The following FNDC3B variants were observed in gnomAD, a reference collection of about 807,000 sequenced individuals.
FNDC3B encodes fibronectin type III domain-containing protein 3B.
In FNDC3B, 12 loss-of-function variants were observed where a neutral mutation model predicts 151.5. That is an observed-to-expected ratio of 0.08 (90% confidence interval 0.05 to 0.13). The LOEUF (loss-of-function observed/expected upper bound fraction) is 0.13. FNDC3B is among the 10% of genes least tolerant of loss of function. The pLI is 1.00. For synonymous variants in FNDC3B, 528 were observed against 549.0 expected, an observed-to-expected ratio of 0.96 and a Z score of 0.54; for missense variants, 1,214 against 1,505.3, an observed-to-expected ratio of 0.81 and a Z score of 3.20.
intron 3 of FNDC3B, chr3:172,225,680 G>C (rs1726529762): frequency 5.9e-6 from 1 of 170,114 alleles, no homozygotes; most frequent in African/African-American, 2.4e-5. Context: ...ACAAGATGAA[G>C]AGCGGACTCC....
intron 9 of FNDC3B, among the ~76,000 whole-genome samples, chr3:172,299,966 T>A (rs1256635973): frequency 6.6e-6 from 1 of 152,234 alleles, no homozygotes; most frequent in Non-Finnish European, 1.5e-5. Flanking sequence ...TAAAAATAAG[T>A]TTAAAGTAAT....
intron 13 of FNDC3B, 144 bp downstream of exon 13, chr3:172,330,859 C>G: frequency 1.6e-6 from 1 of 618,298 alleles, no homozygotes; most frequent in Non-Finnish European, 2.8e-6. Flanking sequence ...CTACCAACAC[C>G]GGCCTGTTCT....
intron 3 of FNDC3B, among the ~76,000 whole-genome samples, chr3:172,143,519 T>G (rs1721734817): frequency 6.6e-6 from 1 of 152,234 alleles, no homozygotes. Context: ...GTTAATTTTA[T>G]TAATATTTTA....
At chr3:172,052,603 C>CAA (rs1441771517) in intron 1 of FNDC3B, among the ~76,000 whole-genome samples, 2 of 152,120 alleles carry the variant, frequency 1.3e-5, no homozygotes, top group African/African-American at 4.8e-5. Flanking sequence ...GAGTTAAAGA[C>CAA]TGTTAAGAGA....
At chr3:172,166,707 A>T (rs1723020517) in intron 3 of FNDC3B, among the ~76,000 whole-genome samples, 1 of 151,410 alleles carries the variant, frequency 6.6e-6, no homozygotes, top group Non-Finnish European at 1.5e-5. Context: ...GTGCCCTATG[A>T]TTGTGTCTGT....
At chr3:172,214,870 G>C (rs948558283) in intron 3 of FNDC3B, among the ~76,000 whole-genome samples, 2 of 152,260 alleles carry the variant, frequency 1.3e-5, no homozygotes, top group African/African-American at 4.8e-5. Context: ...CAATGGAAGA[G>C]CCAACCCTGA....
Position 172,373,583 on chromosome 3 carries a change from G to A in FNDC3B, c.3009-4687G>A, listed in dbSNP as rs376499501. On this transcript the variant is annotated intron_variant, in intron 23 of 25. Transcript: ENST00000415807. ...TTAGTTCCATCACAAAAGGCCTCTG[G>A]CTTACTTATTAATGAATTCTGAAAT... 2.6e-5 allele frequency among the ~76,000 whole-genome samples: 4 copies of A among 152,140 alleles called. No homozygotes were observed. In the East Asian group the frequency reaches 7.7e-4, roughly 29 times the overall value.
At chr3:172,205,145 C>T (rs752098281) in intron 3 of FNDC3B, among the ~76,000 whole-genome samples, 5 of 152,168 alleles carry the variant, frequency 3.3e-5, no homozygotes, top group Non-Finnish European at 5.9e-5. Context: ...ATATATAACC[C>T]ATAAAAGTTT....
rs114146892 is a variant in FNDC3B, at chr3:172,190,589, C to T, written c.188-36282C>T. ...AATGGTTCAGTTTATTTTATTGTGACGCCTTCTAGGGAGGGGTTTATGATT... is the reference window on the plus strand; with the variant it reads ...AATGGTTCAGTTTATTTTATTGTGATGCCTTCTAGGGAGGGGTTTATGATT... On this transcript the variant is annotated intron_variant, in intron 3 of 25. Coordinates refer to ENST00000415807, the MANE Select transcript of FNDC3B (RefSeq NM_022763.4). Among the ~76,000 whole-genome samples the T allele has an allele frequency of 4.8e-3, 738 of 152,286 alleles. 3 individuals carry two copies. Among genetic ancestry groups the T allele is most frequent in the African/African-American group, 0.013 (540 of 41,554 alleles).
intron 1 of FNDC3B, among the ~76,000 whole-genome samples, chr3:172,061,370 T>A (rs1300704760): frequency 6.6e-6 from 1 of 151,986 alleles, no homozygotes; most frequent in Non-Finnish European, 1.5e-5. Flanking sequence ...GTAGCTGGGA[T>A]TACAGGTGCC....
intron 3 of FNDC3B, among the ~76,000 whole-genome samples, chr3:172,158,249 GT>G (rs1559993567): frequency 6.6e-6 from 1 of 152,102 alleles, no homozygotes. Flanking sequence ...TGAATGTTTC[GT>G]TTTATAAGAA....
At chr3:172,382,558 A>G (rs947453415) in intron 25 of FNDC3B, among the ~76,000 whole-genome samples, 1 of 152,146 alleles carries the variant, frequency 6.6e-6, no homozygotes, top group Non-Finnish European at 1.5e-5. Flanking sequence ...TATGTTCCGA[A>G]TGGTATTGCC....
At chr3:172,159,586 A>G (rs1315850016) in intron 3 of FNDC3B, among the ~76,000 whole-genome samples, 1 of 152,222 alleles carries the variant, frequency 6.6e-6, no homozygotes, top group Non-Finnish European at 1.5e-5. Context: ...TAGGAAAACC[A>G]CAAAGTAAAT....
chr3:172,196,082 G>A (rs1011618924), intron 3 of FNDC3B, among the ~76,000 whole-genome samples: 1 of 152,140 alleles, frequency 6.6e-6, no homozygotes, highest in Admixed American at 6.5e-5. Flanking sequence ...AATCTGAAAG[G>A]TTTAGGTACT....
intron 8 of FNDC3B, among the ~76,000 whole-genome samples, chr3:172,298,036 T>C (rs990798779): frequency 1.3e-5 from 2 of 152,386 alleles, no homozygotes; most frequent in East Asian, 3.9e-4. Context: ...TTAGTTGTCA[T>C]GTCTCTTTAG....
At chr3:172,109,469 G>T (rs113690964) in intron 1 of FNDC3B, among the ~76,000 whole-genome samples, 2,482 of 152,332 alleles carry the variant, frequency 0.016, 77 homozygotes, top group African/African-American at 0.057. Context: ...CCGGCCGAAG[G>T]CCTTGGATTC....
In FNDC3B at chr3:172,209,959, C is replaced by T. The variant is rs975937327; in HGVS notation, c.188-16912C>T. On this transcript the variant is annotated intron_variant, in intron 3 of 25. Coordinates refer to ENST00000415807, the MANE Select transcript of FNDC3B (RefSeq NM_022763.4). ...TGAGCACACACACATCCGGCTGGCT[C>T]GCAACAGTGCCCAGGCTCAGCCACA... is the stretch of plus-strand genomic sequence containing the variant. 4.6e-5 allele frequency among the ~76,000 whole-genome samples: 7 copies of T among 152,360 alleles called. No homozygotes were observed. The East Asian group carries it at 7.7e-4, about 17-fold the overall frequency.
At chr3:172,046,732 A>T (rs2108452861) in intron 1 of FNDC3B, among the ~76,000 whole-genome samples, 1 of 152,286 alleles carries the variant, frequency 6.6e-6, no homozygotes, top group East Asian at 1.9e-4. Context: ...GTGTTATTTG[A>T]GGTTCTAGTA....
At chr3:172,113,204 T>G (rs766001974) in intron 2 of FNDC3B, among the ~76,000 whole-genome samples, 7 of 152,244 alleles carry the variant, frequency 4.6e-5, no homozygotes, top group Non-Finnish European at 1.0e-4. Flanking sequence ...CTAACATTAA[T>G]TAAAAATTTT....
Sources: allele counts gnomAD v4.1 joint callset (sites outside exome capture counted in the v4.1 genomes callset), GRCh38; gene constraint gnomAD v4.1.1; transcripts MANE v1.5; gene names NCBI Gene and HGNC (gene_info 2026-07-23, HGNC 2026-07-21).